Variants in NRG3 observed in about 807,000 individuals in gnomAD.
The protein encoded by NRG3 is pro-neuregulin-3, membrane-bound isoform.
A neutral mutation model predicts 66.9 loss-of-function variants in NRG3; 31 were observed. That is an observed-to-expected ratio of 0.46 (90% confidence interval 0.35 to 0.63). The LOEUF is 0.63. Among genes scored for constraint, NRG3 ranks in the 20% least tolerant of loss-of-function variants. The pLI is 0.00. For missense variants in NRG3, 910 were observed against 878.9 expected (o/e 1.04, Z -0.45); for synonymous variants, 393 against 359.4 (o/e 1.09, Z -1.06).
intron 2 of NRG3, among the ~76,000 whole-genome samples, chr10:82,359,937 C>A (rs927554725): frequency 5.9e-5 from 9 of 152,104 alleles, no homozygotes; most frequent in African/African-American, 2.2e-4. Flanking sequence ...AGGTTTAGTC[C>A]ACAGGGAAGA....
At chr10:82,098,430 G>A (rs2066512527) in intron 1 of NRG3, among the ~76,000 whole-genome samples, 1 of 152,106 alleles carries the variant, frequency 6.6e-6, no homozygotes, top group African/African-American at 2.4e-5. Flanking sequence ...GGCAAAAACA[G>A]CCAGAGCAGC....
At chr10:82,672,342 G>C (rs1213462798) in intron 2 of NRG3, among the ~76,000 whole-genome samples, 3 of 152,132 alleles carry the variant, frequency 2.0e-5, no homozygotes, top group African/African-American at 7.2e-5. Flanking sequence ...GAGGAGGAAG[G>C]GGGCATCTTT....
At chr10:82,338,634 T>C (rs1374384285) in intron 1 of NRG3, among the ~76,000 whole-genome samples, 1 of 152,148 alleles carries the variant, frequency 6.6e-6, no homozygotes, top group East Asian at 1.9e-4. Flanking sequence ...TATTACAGAA[T>C]TAGATATACA....
intron 1 of NRG3, among the ~76,000 whole-genome samples, chr10:82,183,122 T>C (rs1256288296): frequency 6.6e-6 from 1 of 152,016 alleles, no homozygotes; most frequent in African/African-American, 2.4e-5. Flanking sequence ...TATTGGGGAT[T>C]CATTTGCCTT....
At chr10:82,605,368 T>G (rs1235368172) in intron 2 of NRG3, among the ~76,000 whole-genome samples, 2 of 152,060 alleles carry the variant, frequency 1.3e-5, no homozygotes, top group Non-Finnish European at 2.9e-5. Flanking sequence ...CCCATTGATA[T>G]GATAGATTAC....
At chr10:82,676,159 GTTA>G (rs1236150874) in intron 2 of NRG3, among the ~76,000 whole-genome samples, 22 of 152,240 alleles carry the variant, frequency 1.4e-4, no homozygotes, top group African/African-American at 5.3e-4. Flanking sequence ...AGAAGAGGGA[GTTA>G]TTATAGGAAT....
At chr10:82,652,873 T>C (rs538131391) in intron 2 of NRG3, among the ~76,000 whole-genome samples, 2 of 152,288 alleles carry the variant, frequency 1.3e-5, no homozygotes, top group African/African-American at 4.8e-5. Context: ...ATAATAAATG[T>C]GTTGTTTTAA....
chr10:82,718,342 C>T (rs925455743), intron 2 of NRG3, among the ~76,000 whole-genome samples: 10 of 152,212 alleles, frequency 6.6e-5, no homozygotes, highest in South Asian at 2.1e-4. Flanking sequence ...TTGTGGTTTC[C>T]GTATACCAAG....
intron 2 of NRG3, among the ~76,000 whole-genome samples, chr10:82,394,789 T>C (rs1024904256): frequency 1.3e-5 from 2 of 152,198 alleles, no homozygotes; most frequent in South Asian, 2.1e-4. Context: ...GTAGCCTTCA[T>C]AGTGGTAGAT....
At chr10:82,607,393 T>C (rs970607111) in intron 2 of NRG3, among the ~76,000 whole-genome samples, 1 of 128,720 alleles carries the variant, frequency 7.8e-6, no homozygotes, top group African/African-American at 2.6e-5. Context: ...TGGAAATTAA[T>C]ATAGCTGCTC....
intron 1 of NRG3, chr10:82,233,027 T>C (rs1025430061): frequency 5.6e-6 from 3 of 533,990 alleles, no homozygotes; most frequent in Non-Finnish European, 1.0e-5. Flanking sequence ...AATGTGGCTC[T>C]GGGTTGGTTA....
chr10:82,297,096 T>G (rs2080109917), intron 1 of NRG3, among the ~76,000 whole-genome samples: 1 of 152,200 alleles, frequency 6.6e-6, no homozygotes, highest in Non-Finnish European at 1.5e-5. Flanking sequence ...GCATCCATGT[T>G]GCTGCAAATG....
At chr10:82,046,350 C>T (rs1429904097) in intron 1 of NRG3, among the ~76,000 whole-genome samples, 2 of 47,366 alleles carry the variant, frequency 4.2e-5, no homozygotes, top group African/African-American at 8.3e-5. Context: ...GGAGTTCACT[C>T]ATGATTTGGC....
intron 3 of NRG3, among the ~76,000 whole-genome samples, chr10:82,865,056 ATAT>A (rs1431806343): frequency 6.6e-6 from 1 of 152,178 alleles, no homozygotes; most frequent in Admixed American, 6.6e-5. Context: ...TCCACATAAA[ATAT>A]TATGCATTCT....
intron 2 of NRG3, among the ~76,000 whole-genome samples, chr10:82,417,084 A>G (rs1449832677): frequency 6.6e-6 from 1 of 152,136 alleles, no homozygotes; most frequent in East Asian, 1.9e-4. Context: ...TTCAGTCCCC[A>G]AGGTCACTCA....
chr10:82,428,003 A>T (rs147582237), intron 2 of NRG3, among the ~76,000 whole-genome samples: 222 of 152,116 alleles, frequency 1.5e-3, no homozygotes, highest in African/African-American at 5.0e-3. Context: ...ACAGTTGTTC[A>T]TAGCATTCCT....
intron 2 of NRG3, among the ~76,000 whole-genome samples, chr10:82,668,944 T>C (rs2053023041): frequency 6.6e-6 from 1 of 152,152 alleles, no homozygotes; most frequent in Non-Finnish European, 1.5e-5. Flanking sequence ...AATTTAAGGC[T>C]CAGCTATGCT....
chr10:82,922,997 C>T (rs563415896), intron 4 of NRG3, among the ~76,000 whole-genome samples: 1 of 152,246 alleles, frequency 6.6e-6, no homozygotes, highest in Non-Finnish European at 1.5e-5. Context: ...TATTCAATGC[C>T]ATTTGACTCG....
intron 2 of NRG3, among the ~76,000 whole-genome samples, chr10:82,689,358 C>T (rs2054749295): frequency 6.6e-6 from 1 of 152,130 alleles, no homozygotes; most frequent in Non-Finnish European, 1.5e-5. Flanking sequence ...CTGGATTCTG[C>T]ACACACTAGT....
Sources: gnomAD v4.1 joint callset for allele counts (sites outside exome capture counted in the v4.1 genomes callset) on GRCh38, gnomAD v4.1.1 for gene constraint, MANE v1.5 for transcripts, NCBI Gene and HGNC (gene_info 2026-07-23, HGNC 2026-07-21) for gene names.